The following GABRG3 variants were observed in gnomAD, a reference collection of about 807,000 sequenced individuals.
GABRG3 encodes the protein gamma-aminobutyric acid type A receptor subunit gamma3.
In GABRG3, 25 loss-of-function variants were observed where a neutral mutation model predicts 48.8. That is an observed-to-expected ratio of 0.51 (90% CI 0.37 to 0.72). The LOEUF is 0.72. Ranked by LOEUF, GABRG3 falls within the 30% of genes least tolerant of loss-of-function variation. The probability of loss-of-function intolerance (pLI) is 0.00; values close to 1 mark genes in which losing one functional copy is unlikely to be tolerated. For synonymous variants in GABRG3, 227 were observed against 217.6 expected, an observed-to-expected ratio of 1.04 and a Z score of -0.38; for missense variants, 394 against 577.9, an observed-to-expected ratio of 0.68 and a Z score of 3.26.
chr15:27,514,420 C>T (rs1387067617), intron 6 of GABRG3, among the ~76,000 whole-genome samples: 1 of 152,164 alleles, frequency 6.6e-6, no homozygotes, highest in Non-Finnish European at 1.5e-5. Flanking sequence ...AAGTTGTGGA[C>T]AGAATTATTA....
intron 7 of GABRG3, among the ~76,000 whole-genome samples, chr15:27,524,675 T>G (rs1159667063): frequency 6.6e-6 from 1 of 152,068 alleles, no homozygotes; most frequent in Non-Finnish European, 1.5e-5. Flanking sequence ...GTATTTATAA[T>G]ACTGGAGGAA....
intron 2 of GABRG3, among the ~76,000 whole-genome samples, chr15:27,002,788 G>A (rs1895477316): frequency 6.8e-6 from 1 of 147,782 alleles, no homozygotes; most frequent in African/African-American, 2.5e-5. Context: ...AAGGAAAGAA[G>A]GAAAGAGAGA....
At chr15:27,225,640 C>T (rs753175757) in intron 3 of GABRG3, among the ~76,000 whole-genome samples, 16 of 152,112 alleles carry the variant, frequency 1.1e-4, no homozygotes, top group African/African-American at 1.7e-4. Context: ...ATCCTGCTTC[C>T]CTACCCACCA....
intron 3 of GABRG3, among the ~76,000 whole-genome samples, chr15:27,220,122 C>T (rs1283531742): frequency 6.6e-6 from 1 of 152,106 alleles, no homozygotes; most frequent in Non-Finnish European, 1.5e-5. Flanking sequence ...TGATGGCTTA[C>T]AGGCAAGAGT....
intron 3 of GABRG3, among the ~76,000 whole-genome samples, chr15:27,199,139 A>C (rs545277141): frequency 3.3e-5 from 5 of 152,226 alleles, no homozygotes; most frequent in Admixed American, 2.6e-4. Context: ...GAACTTAAGC[A>C]TATAAAAACG....
chr15:27,521,950 G>T (rs758934676), intron 7 of GABRG3, among the ~76,000 whole-genome samples: 3 of 151,862 alleles, frequency 2.0e-5, no homozygotes, highest in Admixed American at 6.6e-5. Flanking sequence ...AAAGAATGAG[G>T]ACAAATATTT....
intron 5 of GABRG3, among the ~76,000 whole-genome samples, chr15:27,414,155 T>C (rs1887876915): frequency 6.6e-6 from 1 of 152,204 alleles, no homozygotes; most frequent in Non-Finnish European, 1.5e-5. Flanking sequence ...AATAAGTATG[T>C]GTAATATTTT....
intron 2 of GABRG3, among the ~76,000 whole-genome samples, chr15:26,995,595 T>C (rs188353638): frequency 4.4e-4 from 67 of 152,078 alleles, no homozygotes; most frequent in African/African-American, 1.6e-3. Context: ...GTTTAATGAT[T>C]AAAAGCTGTT....
chr15:27,366,958 G>A lies in GABRG3; in HGVS notation c.574+38070G>A, dbSNP rs1895223808. On this transcript the variant is annotated intron_variant, in intron 5 of 9. Coordinates refer to ENST00000615808, the MANE Select transcript of GABRG3 (RefSeq NM_033223.5). ...TGATGCCCCTGCTTCCTACTATGGG[G>A]GCATCGGGACCCTCTGTCAGCTCAC... is the stretch of plus-strand genomic sequence containing the variant. 3.3e-5 allele frequency among the ~76,000 whole-genome samples: 5 copies of A among 152,214 alleles called. No homozygotes were observed. In the South Asian group the frequency reaches 1.0e-3, roughly 32 times the overall value.
At chr15:27,353,361 A>G (rs961429680) in intron 5 of GABRG3, among the ~76,000 whole-genome samples, 1 of 152,130 alleles carries the variant, frequency 6.6e-6, no homozygotes, top group Non-Finnish European at 1.5e-5. Context: ...AGGACCCTGC[A>G]GCAGCTCTTC....
At chr15:27,067,262 T>A (rs1376299179) in intron 3 of GABRG3, among the ~76,000 whole-genome samples, 2 of 152,182 alleles carry the variant, frequency 1.3e-5, no homozygotes, top group African/African-American at 4.8e-5. Context: ...GCTTCAGCTC[T>A]CTGCCTTCTC....
At chr15:27,098,204 C>A (rs79266720) in intron 3 of GABRG3, among the ~76,000 whole-genome samples, 2 of 151,992 alleles carry the variant, frequency 1.3e-5, no homozygotes, top group African/African-American at 4.8e-5. Context: ...GAGGCCAAGG[C>A]GAGTGGATCA....
At chr15:27,089,861 C>T (rs1468413900) in intron 3 of GABRG3, among the ~76,000 whole-genome samples, 2 of 152,264 alleles carry the variant, frequency 1.3e-5, no homozygotes, top group Non-Finnish European at 2.9e-5. Flanking sequence ...ATCCATGCTG[C>T]ACCCCGTGTC....
chr15:27,106,131 G>A (rs1897445626), intron 3 of GABRG3, among the ~76,000 whole-genome samples: 1 of 152,080 alleles, frequency 6.6e-6, no homozygotes, highest in African/African-American at 2.4e-5. Context: ...TGGGTCCTGA[G>A]AAGGAAATAG....
intron 3 of GABRG3, among the ~76,000 whole-genome samples, chr15:27,114,449 G>T (rs553094772): frequency 6.6e-6 from 1 of 152,266 alleles, no homozygotes; most frequent in Admixed American, 6.5e-5. Context: ...TCCCATGGTT[G>T]GAGATTCCAG....
Position 27,485,230 on chromosome 15 carries a change from A to C in GABRG3, c.712+4443A>C, listed in dbSNP as rs142711522. On this transcript the variant is annotated intron_variant, in intron 6 of 9. Transcript: ENST00000615808. ...GTCTGGCAAGAAGGTGGCTATGGAAAGTTATCCTCTTGGGTTGGCGCATCA... is the reference window on the plus strand; with the variant it reads ...GTCTGGCAAGAAGGTGGCTATGGAACGTTATCCTCTTGGGTTGGCGCATCA... 7.9e-5 allele frequency among the ~76,000 whole-genome samples: 12 copies of C among 152,312 alleles called. No homozygotes were observed. In the East Asian group the frequency reaches 2.1e-3, roughly 27 times the overall value.
intron 3 of GABRG3, among the ~76,000 whole-genome samples, chr15:27,254,888 CACAG>C (rs3068395): frequency 2.7e-5 from 4 of 150,584 alleles, no homozygotes; most frequent in East Asian, 2.0e-4. Flanking sequence ...GAGAGACAGA[CACAG>C]ACAGACAGAC....
In GABRG3 at chr15:27,319,210, T is replaced by A. The variant is rs1893336512; in HGVS notation, c.271-7599T>A. Among the ~76,000 whole-genome samples the A allele has an allele frequency of 6.6e-6, 1 of 152,166 alleles. No homozygotes were observed. Among genetic ancestry groups the A allele is most frequent in the Non-Finnish European group, 1.5e-5 (1 of 68,016 alleles). On this transcript the variant is annotated intron_variant, in intron 3 of 9. Coordinates refer to ENST00000615808, the MANE Select transcript of GABRG3 (RefSeq NM_033223.5). This position sits in a 1 kb window ranked among gnomAD's most constrained non-coding sequence, Gnocchi z 4.4. ...TTTTTATTTGTCAATTCTAGCTCAGTAAAGCCAGGGGGAAAAAAATGTCTG... is the reference window on the plus strand; with the variant it reads ...TTTTTATTTGTCAATTCTAGCTCAGAAAAGCCAGGGGGAAAAAAATGTCTG...
At chr15:27,203,023 T>C (rs1888738358) in intron 3 of GABRG3, among the ~76,000 whole-genome samples, 2 of 152,178 alleles carry the variant, frequency 1.3e-5, no homozygotes, top group South Asian at 4.1e-4. Context: ...ACTAAGTCTT[T>C]AATCTATATG....
Sources: gnomAD v4.1 joint callset for allele counts (sites outside exome capture counted in the v4.1 genomes callset) on GRCh38, gnomAD v4.1.1 for gene constraint, Gnocchi (gnomAD v3.1) non-coding constraint, MANE v1.5 for transcripts, NCBI Gene and HGNC (gene_info 2026-07-23, HGNC 2026-07-21) for gene names.